The following SCD5 variants were observed in gnomAD, a reference collection of about 807,000 sequenced individuals.
The protein encoded by SCD5 is acyl-CoA-desaturase 4.
A neutral mutation model predicts 30.4 loss-of-function variants in SCD5; 20 were observed. That is an observed-to-expected ratio of 0.66 (90% confidence interval 0.46 to 0.96). SCD5 has a LOEUF of 0.96. SCD5 is among the 40% of genes least tolerant of loss of function. The pLI, the probability that SCD5 is intolerant of heterozygous loss-of-function variation, is 0.00. For missense variants in SCD5, 381 were observed against 443.3 expected (o/e 0.86, Z 1.26); for synonymous variants, 173 against 176.4 (o/e 0.98, Z 0.16).
intron 1 of SCD5, among the ~76,000 whole-genome samples, chr4:82,713,026 C>A (rs1720143841): frequency 6.6e-6 from 1 of 152,194 alleles, no homozygotes. Context: ...ATTATACTTA[C>A]AATAACCGGC....
chr4:82,756,349 G>C (rs963403753), intron 1 of SCD5, among the ~76,000 whole-genome samples: 1 of 152,166 alleles, frequency 6.6e-6, no homozygotes, highest in Non-Finnish European at 1.5e-5. Context: ...CTACACGGCT[G>C]TGAGTCCCAG....
At chr4:82,708,943 C>T (rs1160433425) in intron 1 of SCD5, among the ~76,000 whole-genome samples, 2 of 141,998 alleles carry the variant, frequency 1.4e-5, no homozygotes, top group Non-Finnish European at 3.1e-5. Context: ...TTTCTATGTG[C>T]CAGGCCCTCT....
chr4:82,748,061 T>C (rs1309791475), intron 1 of SCD5, among the ~76,000 whole-genome samples: 1 of 152,236 alleles, frequency 6.6e-6, no homozygotes, highest in Non-Finnish European at 1.5e-5. Context: ...TTGTTCATGT[T>C]GCTGTATGAA....
At position 82,629,656 on chromosome 4, in the gene SCD5, C is replaced by T. The variant is rs1157495512; in HGVS notation, c.*1671G>A. ...CATTGTGACTATTTCCAATTGCCAT[C>T]ATATCTTTTTCTAAAATTTAAAATT... On this transcript the variant is annotated 3_prime_UTR_variant, in exon 5 of 5. Coordinates refer to ENST00000319540, the MANE Select transcript of SCD5 (RefSeq NM_001037582.3). 1 of 152,212 alleles carries T rather than the reference C, an allele frequency of 6.6e-6. No individual in the cohort carries two copies. Among genetic ancestry groups the T allele is most frequent in the South Asian group, 2.1e-4 (1 of 4,826 alleles). 9.4% of individuals were successfully genotyped at this position (152,212 alleles called of 1,614,324 possible). A position where few individuals can be genotyped will look rare whatever the true frequency, so the allele number is the denominator to read the frequency against.
At chr4:82,665,650 C>A (rs937462984) in intron 3 of SCD5, among the ~76,000 whole-genome samples, 3 of 151,880 alleles carry the variant, frequency 2.0e-5, no homozygotes, top group Non-Finnish European at 2.9e-5. Flanking sequence ...CAAACAAAAG[C>A]TGAGAATTTA....
In SCD5 at chr4:82,636,588, C is replaced by G. The variant is rs1377479632; in HGVS notation, c.802+3G>C. The G allele has an allele frequency of 6.2e-7, 1 of 1,612,216 alleles. No homozygotes were observed. Among genetic ancestry groups the G allele is most frequent in the South Asian group, 1.1e-5 (1 of 90,744 alleles). On this transcript the variant is annotated splice_donor_region_variant and intron_variant, in intron 4 of 4. Transcript: ENST00000319540. ...CCCATTGGCCCTCAACACCCCTACT[C>G]ACCAATGGCACCCAGAGCGACGAGT...
intron 1 of SCD5, among the ~76,000 whole-genome samples, chr4:82,791,396 G>A (rs1191905432): frequency 6.6e-6 from 1 of 151,220 alleles, no homozygotes; most frequent in Non-Finnish European, 1.5e-5. Flanking sequence ...CCAATCCATT[G>A]CCAGGGGAAA....
At chr4:82,698,108 C>G (rs1324042195) in intron 2 of SCD5, 1 of 456,472 alleles carries the variant, frequency 2.2e-6, no homozygotes, top group Non-Finnish European at 4.4e-6. Context: ...AGAAAACCAA[C>G]AACACCCACC....
At chr4:82,632,213 G>T (rs909218922) in intron 4 of SCD5, among the ~76,000 whole-genome samples, 13 of 138,400 alleles carry the variant, frequency 9.4e-5, no homozygotes, top group African/African-American at 2.5e-4. Flanking sequence ...AGGCCCCGGT[G>T]TGTGATGTTC....
intron 1 of SCD5, among the ~76,000 whole-genome samples, chr4:82,771,404 G>T (rs114160667): frequency 8.5e-5 from 13 of 152,288 alleles, no homozygotes; most frequent in East Asian, 7.7e-4. Context: ...GGAACCTGCT[G>T]CAAGACAAGG....
At chr4:82,687,975 C>T (rs548897248) in intron 2 of SCD5, among the ~76,000 whole-genome samples, 1 of 152,300 alleles carries the variant, frequency 6.6e-6, no homozygotes, top group Admixed American at 6.5e-5. Flanking sequence ...TTTAGCTTGT[C>T]CCATTCAGCA....
chr4:82,786,576 G>A (rs946368722), intron 1 of SCD5, among the ~76,000 whole-genome samples: 1 of 152,076 alleles, frequency 6.6e-6, no homozygotes, highest in Admixed American at 6.6e-5. Context: ...GAGGTGGGCG[G>A]ATCACCTGAG....
intron 3 of SCD5, among the ~76,000 whole-genome samples, chr4:82,655,230 T>C (rs112222858): frequency 0.024 from 3,594 of 152,324 alleles, 68 homozygotes; most frequent in South Asian, 0.091. Flanking sequence ...TCTCTTTTTT[T>C]CCCTTTGTAT....
chr4:82,664,999 CTATA>C (rs70964800), intron 3 of SCD5, among the ~76,000 whole-genome samples: 1,800 of 70,482 alleles, frequency 0.026, 96 homozygotes, highest in African/African-American at 0.086. Context: ...CTCTCTCTCT[CTATA>C]TATATATATA....
intron 3 of SCD5, among the ~76,000 whole-genome samples, chr4:82,641,710 C>T (rs1483650088): frequency 1.3e-5 from 2 of 152,056 alleles, no homozygotes; most frequent in African/African-American, 4.8e-5. Context: ...TTTGGAGGGT[C>T]TCATAGGAGG....
chr4:82,728,151 T>C (rs1720547324), intron 1 of SCD5, among the ~76,000 whole-genome samples: 1 of 152,000 alleles, frequency 6.6e-6, no homozygotes, highest in Admixed American at 6.5e-5. Context: ...AATTTAAAAA[T>C]AAAAATAAAG....
At chr4:82,660,501 T>C (rs1578009558) in intron 3 of SCD5, 2 of 1,055,136 alleles carry the variant, frequency 1.9e-6, no homozygotes, top group Non-Finnish European at 2.3e-6. Context: ...ATATCTCCTA[T>C]AGAGTGCTGT....
intron 1 of SCD5, among the ~76,000 whole-genome samples, chr4:82,747,069 G>GCCGCCCCC (rs1553918954): frequency 7.2e-6 from 1 of 139,698 alleles, no homozygotes; most frequent in Non-Finnish European, 1.6e-5. Flanking sequence ...TGGGCAACCT[G>GCCGCCCCC]CCCCCCAAGA....
chr4:82,635,491 G>C (rs1168303811), intron 4 of SCD5, among the ~76,000 whole-genome samples: 1 of 151,870 alleles, frequency 6.6e-6, no homozygotes, highest in Non-Finnish European at 1.5e-5. Flanking sequence ...CGTGGTGGTG[G>C]GTGCCTGTAG....
Sources: allele counts gnomAD v4.1 joint callset (sites outside exome capture counted in the v4.1 genomes callset), GRCh38; gene constraint gnomAD v4.1.1; transcripts MANE v1.5; gene names NCBI Gene and HGNC (gene_info 2026-07-23, HGNC 2026-07-21).